The following PGCKA1 variants were observed in gnomAD, a reference collection of about 807,000 sequenced individuals.
PGCKA1 encodes PDCD10 and GCKIII kinases associated 1.
chr4:37,503,585 A>G, the PGCKA1 span, among the ~76,000 whole-genome samples: 3 of 152,298 alleles, frequency 2.0e-5, no homozygotes, highest in Middle Eastern at 3.4e-3. Context: ...TACCAACAGC[A>G]TACTGATCTC....
chr4:37,550,848 G>T, the PGCKA1 span, among the ~76,000 whole-genome samples: 2 of 152,166 alleles, frequency 1.3e-5, no homozygotes, highest in East Asian at 3.9e-4. Flanking sequence ...AATTCCTACA[G>T]ACCCAGTTCC....
chr4:37,519,398 T>TA, the PGCKA1 span, among the ~76,000 whole-genome samples: 1 of 152,178 alleles, frequency 6.6e-6, no homozygotes, highest in Non-Finnish European at 1.5e-5. Flanking sequence ...AATCCACAAA[T>TA]ATGGAATATC....
chr4:37,484,863 C>G, the PGCKA1 span, among the ~76,000 whole-genome samples: 1 of 152,150 alleles, frequency 6.6e-6, no homozygotes, highest in African/African-American at 2.4e-5. Context: ...ACCTCCATAA[C>G]TGTGAGGAAT....
the PGCKA1 span, among the ~76,000 whole-genome samples, chr4:37,516,669 CACATGA>C: frequency 6.6e-6 from 1 of 152,220 alleles, no homozygotes; most frequent in African/African-American, 2.4e-5. Context: ...TGCCCAGAAA[CACATGA>C]ATACTCTTGT....
the PGCKA1 span, among the ~76,000 whole-genome samples, chr4:37,563,078 G>GT: frequency 0.45 from 68,859 of 151,760 alleles, 16,478 homozygotes; most frequent in South Asian, 0.54. Context: ...CAAATTGTAG[G>GT]TTTTTTCTTG....
At chr4:37,515,706 A>G in the PGCKA1 span, among the ~76,000 whole-genome samples, 2 of 152,212 alleles carry the variant, frequency 1.3e-5, no homozygotes, top group East Asian at 3.8e-4. Flanking sequence ...TACAATTGTA[A>G]ATTGAGACAA....
chr4:37,562,118 G>A, the PGCKA1 span, among the ~76,000 whole-genome samples: 2 of 152,294 alleles, frequency 1.3e-5, no homozygotes, highest in South Asian at 4.1e-4. Context: ...TTTGAGCTCA[G>A]CTAGAAACAT....
At chr4:37,557,856 G>A in the PGCKA1 span, among the ~76,000 whole-genome samples, 2 of 152,196 alleles carry the variant, frequency 1.3e-5, no homozygotes, top group Non-Finnish European at 2.9e-5. Context: ...CCTGATAAAT[G>A]TGAAACCCCT....
the PGCKA1 span, among the ~76,000 whole-genome samples, chr4:37,540,513 C>T: frequency 3.2e-3 from 492 of 152,210 alleles, 4 homozygotes; most frequent in African/African-American, 0.01. Flanking sequence ...ATATAAATCA[C>T]GGTTTTGTTT....
At chr4:37,552,322 T>C in the PGCKA1 span, among the ~76,000 whole-genome samples, 1 of 152,230 alleles carries the variant, frequency 6.6e-6, no homozygotes, top group Non-Finnish European at 1.5e-5. Context: ...TCTTTAGTGT[T>C]GTGAGCCCTT....
chr4:37,536,883 T>G, the PGCKA1 span, among the ~76,000 whole-genome samples: 1 of 152,148 alleles, frequency 6.6e-6, no homozygotes, highest in South Asian at 2.1e-4. Context: ...ATGGGAAAGA[T>G]TTAGGGGACG....
chr4:37,585,959 T>C, the PGCKA1 span, among the ~76,000 whole-genome samples: 1 of 151,746 alleles, frequency 6.6e-6, no homozygotes, highest in South Asian at 2.1e-4. Flanking sequence ...CTTGACATTG[T>C]TAATACTCTT....
chr4:37,525,485 C>CA, the PGCKA1 span, among the ~76,000 whole-genome samples: 17 of 132,714 alleles, frequency 1.3e-4, no homozygotes, highest in Non-Finnish European at 2.4e-4. Context: ...AAATTCTCCA[C>CA]ACACATACTT....
chr4:37,566,860 G>A, the PGCKA1 span, among the ~76,000 whole-genome samples: 3 of 152,326 alleles, frequency 2.0e-5, no homozygotes, highest in East Asian at 3.9e-4. Context: ...GGGATTACAG[G>A]TGTGAGCCAC....
the PGCKA1 span, among the ~76,000 whole-genome samples, chr4:37,549,709 AC>A: frequency 1.1e-4 from 16 of 152,200 alleles, no homozygotes; most frequent in African/African-American, 3.6e-4. Context: ...GATAAACATA[AC>A]TGTTTAGAGG....
chr4:37,593,373 G>A, the PGCKA1 span, among the ~76,000 whole-genome samples: 6 of 151,924 alleles, frequency 3.9e-5, no homozygotes, highest in East Asian at 2.0e-4. Context: ...TCAATGACCC[G>A]CATATGAATG....
chr4:37,534,223 T>G, the PGCKA1 span, among the ~76,000 whole-genome samples: 2 of 152,224 alleles, frequency 1.3e-5, no homozygotes, highest in Non-Finnish European at 2.9e-5. Flanking sequence ...GCTGATACTT[T>G]TCCTGAAAGA....
chr4:37,550,153 A>G, the PGCKA1 span, among the ~76,000 whole-genome samples: 1 of 152,190 alleles, frequency 6.6e-6, no homozygotes, highest in African/African-American at 2.4e-5. Context: ...GATGTGTGCT[A>G]TGACCCCTCT....
chr4:37,570,146 ATTTTTTTT>A, the PGCKA1 span, among the ~76,000 whole-genome samples: 37 of 78,932 alleles, frequency 4.7e-4, no homozygotes, highest in African/African-American at 1.5e-3. Flanking sequence ...CGCCTGGCTA[ATTTTTTTT>A]TTTTTTTTTT....
Sources: gnomAD v4.1 joint callset for allele counts (sites outside exome capture counted in the v4.1 genomes callset) on GRCh38, gnomAD v4.1.1 for gene constraint, MANE v1.5 for transcripts, NCBI Gene and HGNC (gene_info 2026-07-23, HGNC 2026-07-21) for gene names.